The following ALKBH8 variants were observed in gnomAD, a reference collection of about 807,000 sequenced individuals.
ALKBH8 encodes tRNA (carboxymethyluridine(34)-5-O)-methyltransferase ALKBH8.
In ALKBH8, 36 loss-of-function variants were observed where a neutral mutation model predicts 59.8. That is an observed-to-expected ratio of 0.60 (90% CI 0.46 to 0.79). ALKBH8 has a LOEUF of 0.79. Ranked by LOEUF, ALKBH8 falls within the 30% of genes least tolerant of loss-of-function variation. The probability of loss-of-function intolerance (pLI) is 0.00; values close to 1 mark genes in which losing one functional copy is unlikely to be tolerated. For synonymous variants in ALKBH8, 276 were observed against 273.6 expected, an observed-to-expected ratio of 1.01 and a Z score of -0.09; for missense variants, 768 against 801.0, an observed-to-expected ratio of 0.96 and a Z score of 0.50.
chr11:107,508,149 C>T (rs1245918910), intron 11 of ALKBH8, among the ~76,000 whole-genome samples: 1 of 151,150 alleles, frequency 6.6e-6, no homozygotes, highest in Non-Finnish European at 1.5e-5. Context: ...TGCTTAATAG[C>T]AGTGTGTAAC....
rs373432282 is a variant in ALKBH8 at position 107,553,172 on chromosome 11, C to T, written c.531G>A (p.Lys177=). ...CATAGTGGAACTCATAACCAAAATGCTTTACTCTTCTGTGTTTTAAGGATT... is the reference window on the plus strand; with the variant it reads ...CATAGTGGAACTCATAACCAAAATGTTTTACTCTTCTGTGTTTTAAGGATT... The part of the protein sequence containing the change: ...SQKSLKHRRV[K]HFGYEFHYEN... Residue 177 remains lysine (K), a synonymous_variant, in exon 5 of 12, where the codon AAG becomes AAA. Transcript: ENST00000428149. The T allele has an allele frequency of 2.5e-6, 4 of 1,608,910 alleles. No individual in the cohort carries two copies. The highest frequency in any genetic ancestry group is 2.7e-5 in the African/African-American group (2 of 74,626).
chr11:107,520,929 AC>A (rs1285316892), intron 10 of ALKBH8, among the ~76,000 whole-genome samples: 5 of 152,176 alleles, frequency 3.3e-5, no homozygotes, highest in Admixed American at 2.0e-4. Context: ...ATATGTATAG[AC>A]TTTTTTCTTG....
At chr11:107,531,030 T>G in intron 8 of ALKBH8, among the ~76,000 whole-genome samples, 1 of 152,160 alleles carries the variant, frequency 6.6e-6, no homozygotes, top group Non-Finnish European at 1.5e-5. Context: ...ATGTCATTAT[T>G]CTCAGAAGTA....
Position 107,553,886 on chromosome 11 carries a change from C to G in ALKBH8, c.460G>C (p.Glu154Gln). 6.2e-7 allele frequency: 1 copy of G among 1,613,750 alleles called. No individual in the cohort carries two copies. The highest frequency in any genetic ancestry group is 8.5e-7 in the Non-Finnish European group (1 of 1,179,776). ...ISSEEEKMLLESVDWTEDTDN... is the reference protein window; with the variant it reads ...ISSEEEKMLLQSVDWTEDTDN... ...GTATCTTCTGTCCAATCAACACTTT[C>G]CAAAAGCATTTTCTCCTCCTCAGAA... The change falls in exon 4 of 12, where the codon GAA (glutamate) becomes CAA (glutamine). Residue 154 changes from glutamate to glutamine, a missense_variant. Coordinates refer to ENST00000428149, the MANE Select transcript of ALKBH8 (RefSeq NM_138775.3).
chr11:107,505,047 A>G lies in ALKBH8; in HGVS notation c.1606T>C (p.Ser536Pro). The G allele has an allele frequency of 6.4e-7, 1 of 1,551,664 alleles. No individual in the cohort carries two copies. ...TGCTCCACAAGTGACCTCTGCACTG[A>G]GGTATCACTGTTCATCTCCTCTTTC... Reference protein sequence around the residue: ...GKKEEMNSDTSVQRSLVEQMR... With the variant: ...GKKEEMNSDTPVQRSLVEQMR... The change falls in exon 12 of 12, where the codon TCA becomes CCA. Residue 536 changes from serine (S) to proline (P), a missense_variant. Ser to Pro is a moderately conservative substitution (Grantham distance 74). Coordinates refer to ENST00000428149, the MANE Select transcript of ALKBH8 (RefSeq NM_138775.3).
At chr11:107,544,861 A>AC (rs1864185497) in intron 7 of ALKBH8, among the ~76,000 whole-genome samples, 1 of 147,758 alleles carries the variant, frequency 6.8e-6, no homozygotes. Flanking sequence ...ACACACACAC[A>AC]AAGAAGGAGA....
rs1049481361 is a variant in ALKBH8, at chr11:107,511,582, T to C, written c.1288-546A>G. On this transcript the variant is annotated intron_variant, in intron 10 of 11. Transcript: ENST00000428149. ...AAATCCCCCCCAAAAAAAATCAAAA[T>C]AATTTTTTTTTGAGATGGAGTTTCG... Among the ~76,000 whole-genome samples, 5 of 151,930 alleles carry C rather than the reference T, an allele frequency of 3.3e-5. No homozygotes were observed. In the South Asian group the frequency reaches 8.3e-4, roughly 25 times the overall value.
intron 7 of ALKBH8, among the ~76,000 whole-genome samples, chr11:107,543,586 A>T (rs1177770865): frequency 6.6e-6 from 1 of 152,226 alleles, no homozygotes; most frequent in Non-Finnish European, 1.5e-5. Flanking sequence ...TCACCAGTAG[A>T]GCTATATGCT....
In ALKBH8 at chr11:107,553,132, C is replaced by G; in HGVS notation, c.571G>C (p.Asp191His). The change falls in exon 5 of 12, where the codon GAT (aspartate) becomes CAT (histidine). Residue 191 changes from aspartate (D) to histidine (H), a missense_variant. Coordinates refer to ENST00000428149, the MANE Select transcript of ALKBH8 (RefSeq NM_138775.3). ...CCCCCAGATAATGGCTTATCTTTAT[C>G]TACATTGTTGTTCTCATAGTGGAAC... Reference protein sequence around the residue: ...YEFHYENNNVDKDKPLSGGLP... With the variant: ...YEFHYENNNVHKDKPLSGGLP... The G allele has an allele frequency of 6.2e-7, 1 of 1,603,908 alleles. No homozygotes were observed.
Position 107,556,878 on chromosome 11 carries a change from T to C in ALKBH8, c.255A>G (p.Ala85=). 2.5e-6 allele frequency: 4 copies of C among 1,610,066 alleles called. No individual in the cohort carries two copies. The highest frequency in any genetic ancestry group is 3.4e-6 in the Non-Finnish European group (4 of 1,178,084). ...TAGATTCTTCTGTAGTTCTGTATCT[T>C]GCAAATGAGTACGGCTTGTTAGGTG... ...LMPPNKPYSF[A]RYRTTEESKR... Residue 85 remains alanine (A), a synonymous_variant, in exon 3 of 12, where the codon GCA becomes GCG. Transcript: ENST00000428149.
chr11:107,552,418 C>T (rs1322372927), intron 5 of ALKBH8, among the ~76,000 whole-genome samples: 1 of 151,534 alleles, frequency 6.6e-6, no homozygotes, highest in Non-Finnish European at 1.5e-5. Flanking sequence ...AGAATTATAC[C>T]AATTATATCA....
At chr11:107,520,459 T>C (rs1863061639) in intron 10 of ALKBH8, among the ~76,000 whole-genome samples, 1 of 152,218 alleles carries the variant, frequency 6.6e-6, no homozygotes. Context: ...TAAATCAGTG[T>C]ATTTGATTTC....
In ALKBH8 at chr11:107,525,431, A is replaced by G; in HGVS notation, c.1030+10T>C. 2 of 1,542,550 alleles carry G rather than the reference A, an allele frequency of 1.3e-6. No homozygotes were observed. The highest frequency in any genetic ancestry group is 1.7e-6 in the Non-Finnish European group (2 of 1,143,182). On this transcript the variant is annotated intron_variant, in intron 9 of 11. Coordinates refer to ENST00000428149, the MANE Select transcript of ALKBH8 (RefSeq NM_138775.3). ...TCCATTTTACAGACGAGATAAGAGT[A>G]TATACTTACTACAGTTACAAGGTGT...
chr11:107,543,746 G>A (rs540475659), intron 7 of ALKBH8, among the ~76,000 whole-genome samples: 1 of 152,114 alleles, frequency 6.6e-6, no homozygotes, highest in Admixed American at 6.5e-5. Context: ...GAATATTGTA[G>A]AATGACTCAA....
At chr11:107,515,717 C>A (rs1037840567) in intron 10 of ALKBH8, among the ~76,000 whole-genome samples, 1 of 151,990 alleles carries the variant, frequency 6.6e-6, no homozygotes, top group Non-Finnish European at 1.5e-5. Context: ...TGTGGAAGTA[C>A]AAGTAAACAT....
intron 4 of ALKBH8, among the ~76,000 whole-genome samples, chr11:107,553,503 T>G (rs1220997871): frequency 6.6e-6 from 1 of 152,060 alleles, no homozygotes; most frequent in Non-Finnish European, 1.5e-5. Context: ...TGCAAATATC[T>G]CCAGGAAGCT....
chr11:107,565,315 C>A (rs1865087486), intron 1 of ALKBH8: 2 of 535,926 alleles, frequency 3.7e-6, no homozygotes, highest in Non-Finnish European at 6.7e-6. Flanking sequence ...CTAACACGCC[C>A]CATGTTGCAA....
At chr11:107,544,978 G>C (rs1864190315) in intron 7 of ALKBH8, among the ~76,000 whole-genome samples, 1 of 151,754 alleles carries the variant, frequency 6.6e-6, no homozygotes, top group Non-Finnish European at 1.5e-5. Context: ...AGAGAAAGGA[G>C]AGAGGAGCTA....
rs2135500700 is a variant in ALKBH8, at chr11:107,522,423, C to T, written c.1163G>A (p.Ser388Asn). The T allele has an allele frequency of 6.4e-7, 1 of 1,551,792 alleles. No homozygotes were observed. Among genetic ancestry groups the T allele is most frequent in the South Asian group, 1.2e-5 (1 of 84,062 alleles). ...GTGCGGCCAAGGGGTATGTCTTGTG[C>T]TGCTGAAGTGCCCAGCAATCTCTTC... ...VYEEIAGHFS[S>N]TRHTPWPHIV... The change falls in exon 10 of 12, where the codon AGC (serine) becomes AAC (asparagine). Residue 388 changes from serine (S) to asparagine (N), a missense_variant. By Grantham distance (46) the Ser-to-Asn change is conservative. Transcript: ENST00000428149.
Sources: gnomAD v4.1 joint callset for allele counts (sites outside exome capture counted in the v4.1 genomes callset) on GRCh38, gnomAD v4.1.1 for gene constraint, MANE v1.5 for transcripts, NCBI Gene and HGNC (gene_info 2026-07-23, HGNC 2026-07-21) for gene names.